DCDC2: variants seen among roughly 807,000 people sequenced by gnomAD.
DCDC2 encodes doublecortin domain-containing protein 2.
DCDC2 carries 40 observed loss-of-function variants against 50.2 expected under a neutral mutation model. The observed-to-expected ratio is 0.80, with a 90% CI of 0.62 to 1.04. The LOEUF (loss-of-function observed/expected upper bound fraction) is 1.04, where lower values mean the gene tolerates loss of function less well. Ranked by LOEUF, DCDC2 falls within the 50% of genes least tolerant of loss-of-function variation. The pLI, the probability that DCDC2 is intolerant of heterozygous loss-of-function variation, is 0.00. For synonymous variants in DCDC2, 234 were observed against 210.6 expected (o/e 1.11, Z -0.96); for missense variants, 570 against 581.9 (o/e 0.98, Z 0.21).
chr6:24,201,761 T>C (rs921591123), intron 8 of DCDC2, among the ~76,000 whole-genome samples: 5 of 150,678 alleles, frequency 3.3e-5, no homozygotes, highest in Non-Finnish European at 6.0e-5. Flanking sequence ...GCCAGACTAA[T>C]AAGAGAGAAG....
intron 7 of DCDC2, among the ~76,000 whole-genome samples, chr6:24,275,960 C>T (rs1763343832): frequency 6.7e-6 from 1 of 149,838 alleles, no homozygotes; most frequent in South Asian, 2.1e-4. Flanking sequence ...GCCTCAGCCG[C>T]CTGGGCTCAA....
At chr6:24,181,996 C>A (rs1288454320) in intron 8 of DCDC2, among the ~76,000 whole-genome samples, 1 of 152,132 alleles carries the variant, frequency 6.6e-6, no homozygotes, top group Non-Finnish European at 1.5e-5. Context: ...AACAGAGAGT[C>A]CAGAAATAAA....
At chr6:24,304,269 G>A (rs1032585885) in intron 2 of DCDC2, among the ~76,000 whole-genome samples, 3 of 152,164 alleles carry the variant, frequency 2.0e-5, no homozygotes, top group African/African-American at 7.2e-5. Flanking sequence ...GATCTCCTAA[G>A]GTCAGGAGTT....
rs1255299186 is a variant in DCDC2, at chr6:24,264,850, C to G, written c.922+13199G>C. Among the ~76,000 whole-genome samples the G allele has an allele frequency of 4.0e-5, 6 of 150,620 alleles. No individual in the cohort carries two copies. In the East Asian group the frequency reaches 1.2e-3, roughly 29 times the overall value. On this transcript the variant is annotated intron_variant, in intron 7 of 9. Transcript: ENST00000378454. ...CGAATGGATTAAAAAAAAAAAGAGA[C>G]CTGACAATCTGTTACCTACAAGAAA... is the stretch of plus-strand genomic sequence containing the variant.
At chr6:24,251,224 G>T (rs774891821) in intron 7 of DCDC2, among the ~76,000 whole-genome samples, 23 of 152,140 alleles carry the variant, frequency 1.5e-4, no homozygotes, top group Non-Finnish European at 3.2e-4. Flanking sequence ...GGCAAAACTG[G>T]ACAGTTTCAG....
intron 7 of DCDC2, among the ~76,000 whole-genome samples, chr6:24,256,186 A>G (rs1436928610): frequency 6.6e-6 from 1 of 152,090 alleles, no homozygotes; most frequent in East Asian, 1.9e-4. Context: ...AAACTAGTTT[A>G]TGAAGATAGA....
chr6:24,187,803 C>G (rs992515853), intron 8 of DCDC2, among the ~76,000 whole-genome samples: 13 of 152,302 alleles, frequency 8.5e-5, no homozygotes, highest in African/African-American at 3.1e-4. Flanking sequence ...CCAGAGCTTG[C>G]CAGGTACCCA....
intron 2 of DCDC2, among the ~76,000 whole-genome samples, chr6:24,343,302 G>T (rs527823997): frequency 3.9e-5 from 6 of 152,056 alleles, no homozygotes; most frequent in Non-Finnish European, 8.8e-5. Flanking sequence ...ACCCACCTCG[G>T]CCTCCCAAAG....
In DCDC2 at chr6:24,347,433, A is replaced by G. The variant is rs140183155; in HGVS notation, c.348+6136T>C. Among the ~76,000 whole-genome samples, 246 of 152,360 alleles carry G rather than the reference A, an allele frequency of 1.6e-3. 1 individual carries two copies. The highest frequency in any genetic ancestry group is 5.7e-3 in the African/African-American group (235 of 41,582). On this transcript the variant is annotated intron_variant, in intron 2 of 9. Coordinates refer to ENST00000378454, the MANE Select transcript of DCDC2 (RefSeq NM_016356.5). ...ATATGGATAAGTTCTGCACCCACAG[A>G]TTCAACCAACCACAGACAAAGAAAG... is the stretch of plus-strand genomic sequence containing the variant.
rs1353653635 is a variant in DCDC2 at position 24,357,895 on chromosome 6, C to T, written c.-145G>A. On this transcript the variant is annotated 5_prime_UTR_variant, in exon 1 of 10. Transcript: ENST00000378454. ...GAATCCACAGGTGAAAGAGAAGTAACGGCCGTGCGCCTAGGCGTCCACCCA... is the reference window on the plus strand; with the variant it reads ...GAATCCACAGGTGAAAGAGAAGTAATGGCCGTGCGCCTAGGCGTCCACCCA... 15 of 1,543,380 alleles carry T rather than the reference C, an allele frequency of 9.7e-6. No homozygotes were observed. In the South Asian group the frequency reaches 1.6e-4, roughly 17 times the overall value.
At chr6:24,178,706 G>C (rs1015049831) in intron 8 of DCDC2, 74 bp from the exon 9 acceptor site, 2 of 1,353,614 alleles carry the variant, frequency 1.5e-6, no homozygotes, top group Non-Finnish European at 1.0e-6. Context: ...TCATAGTAAT[G>C]TAATACTTAT....
chr6:24,354,668 T>C (rs1760432818), intron 1 of DCDC2, among the ~76,000 whole-genome samples: 2 of 152,106 alleles, frequency 1.3e-5, no homozygotes, highest in Admixed American at 1.3e-4. Flanking sequence ...CAAAATATTC[T>C]GTCATGTGCA....
At chr6:24,358,490 A>G (rs1200714347), upstream of DCDC2, among the ~76,000 whole-genome samples, 2 of 140,010 alleles carry the variant, frequency 1.4e-5, no homozygotes, top group African/African-American at 2.7e-5. Flanking sequence ...GTTTGAGACC[A>G]GCCTGACCCG....
chr6:24,355,391 G>A (rs537223882), intron 1 of DCDC2, among the ~76,000 whole-genome samples: 8 of 151,942 alleles, frequency 5.3e-5, no homozygotes, highest in South Asian at 2.1e-4. Context: ...TCATTTCCAC[G>A]AAATTGCTTT....
chr6:24,374,702 G>A, the DCDC2 span, among the ~76,000 whole-genome samples: 2 of 152,044 alleles, frequency 1.3e-5, no homozygotes, highest in Non-Finnish European at 2.9e-5. Flanking sequence ...CAGTCCTAGT[G>A]AGAGAAAGAT....
intron 7 of DCDC2, among the ~76,000 whole-genome samples, chr6:24,240,951 G>A (rs1762551226): frequency 2.0e-5 from 3 of 152,212 alleles, no homozygotes; most frequent in Admixed American, 2.0e-4. Context: ...TGTTCACAAA[G>A]TGTCTGATAC....
At chr6:24,274,605 C>CAAAA (rs61569208) in intron 7 of DCDC2, among the ~76,000 whole-genome samples, 20 of 82,390 alleles carry the variant, frequency 2.4e-4, no homozygotes, top group African/African-American at 4.6e-4. Context: ...GAAACAGAGT[C>CAAAA]AAAAAAAAAA....
At chr6:24,210,754 A>C (rs1183577245) in intron 7 of DCDC2, among the ~76,000 whole-genome samples, 3 of 152,240 alleles carry the variant, frequency 2.0e-5, no homozygotes, top group African/African-American at 7.2e-5. Context: ...TCCACAGCTT[A>C]GAAACTCTCC....
At chr6:24,331,849 A>G (rs1208147661) in intron 2 of DCDC2, among the ~76,000 whole-genome samples, 1 of 152,240 alleles carries the variant, frequency 6.6e-6, no homozygotes. Flanking sequence ...TTTCCAAAAG[A>G]AAGTGTTGCT....
Sources: allele counts gnomAD v4.1 joint callset (sites outside exome capture counted in the v4.1 genomes callset), GRCh38; gene constraint gnomAD v4.1.1; transcripts MANE v1.5; gene names NCBI Gene and HGNC (gene_info 2026-07-23, HGNC 2026-07-21).